Variants in CNR1 observed in about 807,000 individuals in gnomAD.
The protein encoded by CNR1 is cannabinoid receptor 1, also known as cannabinoid receptor 1 (brain).
A neutral mutation model predicts 23.0 loss-of-function variants in CNR1; 10 were observed. The observed-to-expected ratio is 0.43, with a 90% CI of 0.27 to 0.74. The LOEUF is 0.74. CNR1 is among the 30% of genes least tolerant of loss of function. The pLI is 0.19. For synonymous variants in CNR1, 271 were observed against 255.2 expected, an observed-to-expected ratio of 1.06 and a Z score of -0.59; for missense variants, 422 against 618.8, an observed-to-expected ratio of 0.68 and a Z score of 3.37.
intron 1 of CNR1, among the ~76,000 whole-genome samples, chr6:88,153,224 C>G (rs1027517642): frequency 1.3e-5 from 2 of 152,170 alleles, no homozygotes; most frequent in Non-Finnish European, 2.9e-5. Flanking sequence ...AAAACCATAT[C>G]TATCAGCTAG....
At position 88,143,677 on chromosome 6, in the gene CNR1, G is replaced by T; in HGVS notation, c.*179C>A. 1.7e-6 allele frequency: 1 copy of T among 597,478 alleles called. No individual in the cohort carries two copies. Among genetic ancestry groups the T allele is most frequent in the Non-Finnish European group, 3.0e-6 (1 of 337,544 alleles). 37.0% of individuals were successfully genotyped at this position (597,478 alleles called of 1,614,324 possible). Reference sequence around the variant, plus strand: ...CTTCACTGTAAACCCCTGGAGAATGGAGTTTGAGTACCTAAACTATGGAAA... The same window carrying T: ...CTTCACTGTAAACCCCTGGAGAATGTAGTTTGAGTACCTAAACTATGGAAA... On this transcript the variant is annotated 3_prime_UTR_variant, in exon 2 of 2. Coordinates refer to ENST00000369501, the MANE Select transcript of CNR1 (RefSeq NM_016083.6).
chr6:88,141,271 C>G lies in CNR1; in HGVS notation c.*2585G>C, dbSNP rs1776798763. On this transcript the variant is annotated 3_prime_UTR_variant, in exon 2 of 2. Coordinates refer to ENST00000369501, the MANE Select transcript of CNR1 (RefSeq NM_016083.6). ...CAAAGTGAATCTAACTAGTTTTAAA[C>G]CTTTTTAAATGAAGGTTGTATAACA... 2 of 152,686 alleles carry G rather than the reference C, an allele frequency of 1.3e-5. No individual in the cohort carries two copies. The highest frequency in any genetic ancestry group is 4.1e-4 in the South Asian group (2 of 4,822). 9.5% of individuals were successfully genotyped at this position (152,686 alleles called of 1,614,324 possible).
chr6:88,148,040 C>T (rs72918178), intron 1 of CNR1, among the ~76,000 whole-genome samples: 9,921 of 152,228 alleles, frequency 0.065, 451 homozygotes, highest in Non-Finnish European at 0.088. Flanking sequence ...GATCTAGCTC[C>T]CGCCCACCTC....
intron 1 of CNR1, among the ~76,000 whole-genome samples, chr6:88,157,355 T>C (rs2127765081): frequency 6.6e-6 from 1 of 152,308 alleles, no homozygotes; most frequent in South Asian, 2.1e-4. Context: ...CAATTTGTTA[T>C]TCTATTTGGT....
intron 1 of CNR1, among the ~76,000 whole-genome samples, chr6:88,159,238 T>C (rs999569627): frequency 6.6e-6 from 1 of 152,180 alleles, no homozygotes; most frequent in African/African-American, 2.4e-5. Context: ...GAAATACTTG[T>C]TTCTGTTCTT....
intron 1 of CNR1, among the ~76,000 whole-genome samples, chr6:88,148,737 C>T (rs1464780628): frequency 5.3e-5 from 8 of 152,186 alleles, no homozygotes; most frequent in Non-Finnish European, 1.0e-4. Flanking sequence ...ACTTTGGCTA[C>T]AGAGAGGCAA....
chr6:88,164,065 T>C (rs538108791), intron 1 of CNR1, among the ~76,000 whole-genome samples: 1 of 152,366 alleles, frequency 6.6e-6, no homozygotes, highest in South Asian at 2.1e-4. Flanking sequence ...TCTTTTTACA[T>C]ACATATATTA....
Position 88,152,841 on chromosome 6 carries a change from G to A in CNR1, c.-63-7504C>T, listed in dbSNP as rs191200635. 1.2e-4 allele frequency among the ~76,000 whole-genome samples: 19 copies of A among 152,086 alleles called. No individual in the cohort carries two copies. In the East Asian group the frequency reaches 3.5e-3, roughly 28 times the overall value. On this transcript the variant is annotated intron_variant, in intron 1 of 1. Coordinates refer to ENST00000369501, the MANE Select transcript of CNR1 (RefSeq NM_016083.6). Reference sequence around the variant, plus strand: ...TCCTTTGAGAGTTCATTACTAATACGGCTTAGGCTTTGGGGGATGTAGCTG... The same window carrying A: ...TCCTTTGAGAGTTCATTACTAATACAGCTTAGGCTTTGGGGGATGTAGCTG...
rs1776897905 is a variant in CNR1, at chr6:88,142,801, T to C, written c.*1055A>G. 1 of 152,576 alleles carries C rather than the reference T, an allele frequency of 6.6e-6. No homozygotes were observed. Among genetic ancestry groups the C allele is most frequent in the Non-Finnish European group, 1.5e-5 (1 of 68,024 alleles). The allele number at this position is 152,576 out of a possible 1,614,324, so 9.5% of individuals were successfully genotyped here. ...TATTCACACTCACACACAGTATAAT[T>C]TTACTGATCCAGACACTACTTCTTT... On this transcript the variant is annotated 3_prime_UTR_variant, in exon 2 of 2. Coordinates refer to ENST00000369501, the MANE Select transcript of CNR1 (RefSeq NM_016083.6).
At chr6:88,165,475 T>A (rs1778321291) in intron 1 of CNR1, among the ~76,000 whole-genome samples, 1 of 152,228 alleles carries the variant, frequency 6.6e-6, no homozygotes, top group Non-Finnish European at 1.5e-5. Flanking sequence ...TGGGAAGACT[T>A]AGCTGCTAAC....
chr6:88,147,075 G>A (rs945671932), intron 1 of CNR1, among the ~76,000 whole-genome samples: 7 of 152,084 alleles, frequency 4.6e-5, no homozygotes, highest in African/African-American at 1.7e-4. Flanking sequence ...GGCATATCAC[G>A]AAGTCAAGAG....
Position 88,151,102 on chromosome 6 carries a change from T to C in CNR1, c.-63-5765A>G, listed in dbSNP as rs186751611. On this transcript the variant is annotated intron_variant, in intron 1 of 1. Coordinates refer to ENST00000369501, the MANE Select transcript of CNR1 (RefSeq NM_016083.6). ...TTACATATATATCAATTCCTTTATTTCACAATGGCCCTATGAAGTAGGTGC... is the reference window on the plus strand; with the variant it reads ...TTACATATATATCAATTCCTTTATTCCACAATGGCCCTATGAAGTAGGTGC... 3.3e-5 allele frequency among the ~76,000 whole-genome samples: 5 copies of C among 152,256 alleles called. No individual in the cohort carries two copies. The East Asian group carries it at 9.7e-4, about 29-fold the overall frequency.
At chr6:88,162,095 T>G (rs920911188) in intron 1 of CNR1, among the ~76,000 whole-genome samples, 1 of 152,228 alleles carries the variant, frequency 6.6e-6, no homozygotes, top group Non-Finnish European at 1.5e-5. Flanking sequence ...TTAGAACGCA[T>G]GGGACTGGCA....
rs1020295479 is a variant in CNR1 at position 88,165,857 on chromosome 6, C to T, written c.-118G>A. The T allele has an allele frequency of 3.9e-5, 6 of 152,492 alleles. No individual in the cohort carries two copies. Among genetic ancestry groups the T allele is most frequent in the African/African-American group, 1.2e-4 (5 of 41,474 alleles). The allele number at this position is 152,492 out of a possible 1,614,324, so 9.4% of individuals were successfully genotyped here. ...AGCTCCCTTGGCACCTCTCGCCCAG[C>T]TCAGGGGCTGGTTGTCCGCTAGAAC... On this transcript the variant is annotated 5_prime_UTR_variant, in exon 1 of 2. Transcript: ENST00000369501.
chr6:88,141,385 A>G lies in CNR1; in HGVS notation c.*2471T>C, dbSNP rs1173463188. 1 of 152,750 alleles carries G rather than the reference A, an allele frequency of 6.5e-6. No individual in the cohort carries two copies. Among genetic ancestry groups the G allele is most frequent in the Non-Finnish European group, 1.5e-5 (1 of 68,044 alleles). The allele number at this position is 152,750 out of a possible 1,614,324, so 9.5% of individuals were successfully genotyped here. Reference sequence around the variant, plus strand: ...GCCCCATTGTCCCTTAATTTATTATATATGATTTAGATCTTGAAAGCACAA... The same window carrying G: ...GCCCCATTGTCCCTTAATTTATTATGTATGATTTAGATCTTGAAAGCACAA... On this transcript the variant is annotated 3_prime_UTR_variant, in exon 2 of 2. Coordinates refer to ENST00000369501, the MANE Select transcript of CNR1 (RefSeq NM_016083.6).
intron 1 of CNR1, among the ~76,000 whole-genome samples, chr6:88,164,503 G>A (rs1398874191): frequency 6.6e-6 from 1 of 152,132 alleles, no homozygotes; most frequent in Non-Finnish European, 1.5e-5. Flanking sequence ...AAAGTAATTT[G>A]TCTCACTTAA....
intron 1 of CNR1, among the ~76,000 whole-genome samples, chr6:88,158,280 G>A (rs1008637253): frequency 2.6e-5 from 4 of 152,146 alleles, no homozygotes; most frequent in East Asian, 1.9e-4. Flanking sequence ...TATTCATTCC[G>A]GATCGAGCCC....
intron 1 of CNR1, among the ~76,000 whole-genome samples, chr6:88,148,665 T>A (rs1777343988): frequency 6.6e-6 from 1 of 152,232 alleles, no homozygotes; most frequent in African/African-American, 2.4e-5. Context: ...GCATTTTAAA[T>A]GAAGCTGCCT....
At chr6:88,160,530 G>A (rs973117378) in intron 1 of CNR1, among the ~76,000 whole-genome samples, 2 of 150,946 alleles carry the variant, frequency 1.3e-5, no homozygotes, top group South Asian at 2.1e-4. Flanking sequence ...TGTCCCCTGG[G>A]TGCAAGCAAT....
Sources: gnomAD v4.1 joint callset for allele counts (sites outside exome capture counted in the v4.1 genomes callset) on GRCh38, gnomAD v4.1.1 for gene constraint, MANE v1.5 for transcripts, NCBI Gene and HGNC (gene_info 2026-07-23, HGNC 2026-07-21) for gene names.